Variants in CRB1 observed in about 807,000 individuals in gnomAD.
CRB1 encodes crumbs cell polarity complex component 1.
CRB1 carries 83 observed loss-of-function variants against 120.0 expected under a neutral mutation model. The ratio of observed to expected loss-of-function variants is 0.69; its 90% CI spans 0.58 to 0.83. The LOEUF (loss-of-function observed/expected upper bound fraction) is 0.83. Among genes scored for constraint, CRB1 ranks in the 40% least tolerant of loss-of-function variants. The pLI is 0.00. For synonymous variants in CRB1, 625 were observed against 612.5 expected (o/e 1.02, Z -0.30); for missense variants, 1,699 against 1,687.6 (o/e 1.01, Z -0.12).
the CRB1 span, chr1:197,222,272 C>T: frequency 3.5e-6 from 2 of 568,524 alleles, no homozygotes; most frequent in South Asian, 1.7e-5. Context: ...TTTGAGGGAA[C>T]GAGTTTAGTT....
chr1:197,229,116 C>G, the CRB1 span, among the ~76,000 whole-genome samples: 7 of 152,214 alleles, frequency 4.6e-5, no homozygotes, highest in African/African-American at 1.7e-4. Context: ...GAGAACCTGA[C>G]GATGCTGACA....
chr1:197,474,219 T>A lies in CRB1; in HGVS notation c.4006-3445T>A, dbSNP rs748579841. On this transcript the variant is annotated intron_variant, in intron 11 of 11. Coordinates refer to ENST00000367400, the MANE Select transcript of CRB1 (RefSeq NM_201253.3). The stretch of plus-strand genomic sequence containing the variant: ...ATTCTTTGTGTTTTATTTGGTCCCA[T>A]CCTTTGAAGTAGATGTTAATATTCC... Among the ~76,000 whole-genome samples the A allele has an allele frequency of 5.9e-4, 90 of 152,252 alleles. 1 individual carries two copies. The highest frequency in any genetic ancestry group is 1.6e-4 in the Non-Finnish European group (11 of 68,046).
chr1:197,271,909 A>C (rs894336780), intron 1 of CRB1, among the ~76,000 whole-genome samples: 2 of 152,194 alleles, frequency 1.3e-5, no homozygotes, highest in Non-Finnish European at 2.9e-5. Flanking sequence ...CGTTTAAAGT[A>C]TGATCACAAC....
intron 5 of CRB1, among the ~76,000 whole-genome samples, chr1:197,388,376 A>T (rs1662327918): frequency 6.6e-6 from 1 of 152,022 alleles, no homozygotes; most frequent in Admixed American, 6.6e-5. Flanking sequence ...TTTTCGGGAG[A>T]CTAAGAAAAA....
At chr1:197,385,000 C>A (rs1662139661) in intron 5 of CRB1, among the ~76,000 whole-genome samples, 1 of 152,022 alleles carries the variant, frequency 6.6e-6, no homozygotes, top group East Asian at 1.9e-4. Context: ...TAAGCAGAAA[C>A]CTTTGAAGGA....
intron 1 of CRB1, 115 bp from the exon 2 acceptor site, chr1:197,328,307 C>T: frequency 1.3e-6 from 1 of 787,168 alleles, no homozygotes; most frequent in East Asian, 2.7e-5. Flanking sequence ...AGGATGAACC[C>T]AACTATGTAT....
At chr1:197,263,472 A>G (rs974747698), upstream of CRB1, among the ~76,000 whole-genome samples, 3 of 151,986 alleles carry the variant, frequency 2.0e-5, no homozygotes, top group Admixed American at 6.6e-5. Context: ...CCCATTCTGT[A>G]TATTGTTCAC....
intron 4 of CRB1, among the ~76,000 whole-genome samples, chr1:197,349,504 T>C (rs1205597128): frequency 1.3e-5 from 2 of 152,346 alleles, no homozygotes; most frequent in South Asian, 2.1e-4. Flanking sequence ...TATATAAGCT[T>C]ACTGATCATC....
intron 1 of CRB1, among the ~76,000 whole-genome samples, chr1:197,269,168 A>G (rs1428635978): frequency 2.0e-5 from 3 of 152,242 alleles, no homozygotes; most frequent in Admixed American, 6.5e-5. Context: ...GAAGCACAGT[A>G]GCTATTCAAC....
At chr1:197,416,817 C>T (rs1263174024) in intron 5 of CRB1, among the ~76,000 whole-genome samples, 1 of 152,170 alleles carries the variant, frequency 6.6e-6, no homozygotes, top group Non-Finnish European at 1.5e-5. Context: ...TCAAGCTATT[C>T]TCCCACCTCA....
chr1:197,434,256 C>T (rs1352679029), intron 8 of CRB1, among the ~76,000 whole-genome samples: 1 of 152,086 alleles, frequency 6.6e-6, no homozygotes, highest in East Asian at 1.9e-4. Flanking sequence ...TTTTCTGGGT[C>T]ACCATAGCTA....
chr1:197,411,495 C>A (rs189004499), intron 5 of CRB1, among the ~76,000 whole-genome samples: 1 of 152,174 alleles, frequency 6.6e-6, no homozygotes. Flanking sequence ...TTCTTCACCT[C>A]AAGTGAAAAG....
the CRB1 span, among the ~76,000 whole-genome samples, chr1:197,209,872 A>G: frequency 5.9e-5 from 9 of 152,168 alleles, no homozygotes; most frequent in African/African-American, 2.2e-4. Flanking sequence ...GGGGGTATGT[A>G]TTTGGAGGCA....
At chr1:197,360,573 T>C (rs747360849) in intron 5 of CRB1, 1 of 152,238 alleles carries the variant, frequency 6.6e-6, no homozygotes, top group Non-Finnish European at 1.5e-5. Flanking sequence ...GTGTCCAGAC[T>C]TTTACTCCTG....
In CRB1 at chr1:197,379,852, A is replaced by G. The variant is rs578211434; in HGVS notation, c.1171+22839A>G. On this transcript the variant is annotated intron_variant, in intron 5 of 11. Coordinates refer to ENST00000367400, the MANE Select transcript of CRB1 (RefSeq NM_201253.3). The stretch of plus-strand genomic sequence containing the variant: ...TGTTACATCTCTTCCTGCTAATGAT[A>G]ACATAATTTTATTTCAGCACAAAGG... Among the ~76,000 whole-genome samples the G allele has an allele frequency of 1.6e-4, 25 of 152,304 alleles. No individual in the cohort carries two copies. In the East Asian group the frequency reaches 4.1e-3, roughly 25 times the overall value.
Position 197,302,711 on chromosome 1 carries a change from G to T in CRB1, c.71-25711G>T, listed in dbSNP as rs112058397. On this transcript the variant is annotated intron_variant, in intron 1 of 11. Transcript: ENST00000367400. ...AGAATAATATTTATGCCATAAAGTC[G>T]ATGAAAGAATATAAGACAAGATCTC... Among the ~76,000 whole-genome samples, 489 of 152,216 alleles carry T rather than the reference G, an allele frequency of 3.2e-3. 3 individuals are homozygous for T. The highest frequency in any genetic ancestry group is 0.011 in the African/African-American group (454 of 41,538).
intron 2 of CRB1, among the ~76,000 whole-genome samples, chr1:197,338,710 T>C (rs1659289533): frequency 6.6e-6 from 1 of 152,022 alleles, no homozygotes; most frequent in Non-Finnish European, 1.5e-5. Flanking sequence ...GCAAAACTTG[T>C]AGAAACAAAA....
intron 1 of CRB1, among the ~76,000 whole-genome samples, chr1:197,286,327 C>T (rs761376303): frequency 2.0e-5 from 3 of 151,828 alleles, no homozygotes; most frequent in Non-Finnish European, 4.4e-5. Flanking sequence ...AAAACTCCTG[C>T]AATGTACCTG....
In CRB1 at chr1:197,344,400, C is replaced by T; in HGVS notation, c.772C>T (p.His258Tyr). The change falls in exon 3 of 12, where the codon CAC (histidine) becomes TAC (tyrosine). Residue 258 changes from histidine to tyrosine, a missense_variant. Coordinates refer to ENST00000367400, the MANE Select transcript of CRB1 (RefSeq NM_201253.3). ...CTGTGCCCCTGGATTCCTGGGGGAT[C>T]ACTGTGAACTCAACACTGATGAGTG... ...CDCAPGFLGD[H>Y]CELNTDECAS... 6.2e-7 allele frequency: 1 copy of T among 1,614,076 alleles called. No individual in the cohort carries two copies. The highest frequency in any genetic ancestry group is 8.5e-7 in the Non-Finnish European group (1 of 1,179,998).
Sources: gnomAD v4.1 joint callset for allele counts (sites outside exome capture counted in the v4.1 genomes callset) on GRCh38, gnomAD v4.1.1 for gene constraint, MANE v1.5 for transcripts, NCBI Gene and HGNC (gene_info 2026-07-23, HGNC 2026-07-21) for gene names.